The following CD9 variants were observed in gnomAD, a reference collection of about 807,000 sequenced individuals.
CD9 encodes CD9 molecule.
In CD9, 10 loss-of-function variants were observed where a neutral mutation model predicts 31.4. The observed-to-expected ratio is 0.32, with a 90% CI of 0.20 to 0.54. The LOEUF is 0.54. Ranked by LOEUF, CD9 falls within the 20% of genes least tolerant of loss-of-function variation. CD9 has a pLI of 0.94. For synonymous variants in CD9, 113 were observed against 114.1 expected (o/e 0.99, Z 0.06); for missense variants, 259 against 300.1 (o/e 0.86, Z 1.01).
intron 7 of CD9, chr12:6,236,588 C>T (rs1037993816): frequency 4.9e-5 from 22 of 453,084 alleles, no homozygotes; most frequent in Non-Finnish European, 8.1e-5. Context: ...TGTCTCCTCA[C>T]GCACCTGCTG....
At chr12:6,235,885 AGT>A in intron 6 of CD9, 1 of 1,368,562 alleles carries the variant, frequency 7.3e-7, no homozygotes, top group Non-Finnish European at 9.4e-7. Flanking sequence ...TGTAAGCCAG[AGT>A]TAATGTCCAA....
intron 6 of CD9, 128 bp downstream of exon 6, chr12:6,235,693 C>T (rs1946511337): frequency 2.1e-6 from 3 of 1,440,110 alleles, no homozygotes; most frequent in Non-Finnish European, 2.7e-6. Context: ...GGCCCCAGGG[C>T]ACCCATCTCT....
intron 7 of CD9, chr12:6,236,692 G>A (rs1946527817): frequency 2.5e-6 from 1 of 400,422 alleles, no homozygotes; most frequent in East Asian, 3.6e-5. Flanking sequence ...GCCAGAAGGA[G>A]GTCTCTCGCT....
At chr12:6,228,269 C>T (rs1946394896) in intron 2 of CD9, among the ~76,000 whole-genome samples, 1 of 152,126 alleles carries the variant, frequency 6.6e-6, no homozygotes, top group African/African-American at 2.4e-5. Flanking sequence ...GTGATCAGCC[C>T]TGATCTCAGG....
At chr12:6,202,358 C>A (rs1946086988) in intron 1 of CD9, among the ~76,000 whole-genome samples, 1 of 152,198 alleles carries the variant, frequency 6.6e-6, no homozygotes, top group Non-Finnish European at 1.5e-5. Flanking sequence ...TAGCTTCTTT[C>A]TTTCACCAAT....
rs797774 is a variant in CD9, at chr12:6,200,729, G to C, written c.66+164G>C. 8.3e-3 allele frequency: 4,212 copies of C among 505,854 alleles called. 80 individuals are homozygous for C. Among genetic ancestry groups the C allele is most frequent in the East Asian group, 0.051 (1,446 of 28,550 alleles). 31.3% of individuals were successfully genotyped at this position (505,854 alleles called of 1,614,324 possible). A position where few individuals can be genotyped will look rare whatever the true frequency, so the allele number is the denominator to read the frequency against. On this transcript the variant is annotated intron_variant, in intron 1 of 7. Coordinates refer to ENST00000009180, the MANE Select transcript of CD9 (RefSeq NM_001769.4). Reference sequence around the variant, plus strand: ...CGGCTGCCAGCTGGCTCCAAGGCCGGGTCCAGAGCCGGGCGGGACGGCCGC... The same window carrying C: ...CGGCTGCCAGCTGGCTCCAAGGCCGCGTCCAGAGCCGGGCGGGACGGCCGC...
upstream of CD9, chr12:6,200,367 A>G: frequency 1.8e-6 from 1 of 571,256 alleles, no homozygotes; most frequent in African/African-American, 1.9e-5. Context: ...AAGGAGTGGC[A>G]CTTTTTAAAA....
chr12:6,208,844 G>A (rs1946162048), intron 1 of CD9, among the ~76,000 whole-genome samples: 1 of 152,010 alleles, frequency 6.6e-6, no homozygotes, highest in African/African-American at 2.4e-5. Context: ...GATTACAGGT[G>A]TGTAGTTTAA....
intron 1 of CD9, among the ~76,000 whole-genome samples, chr12:6,221,219 A>G (rs1382699238): frequency 2.0e-5 from 3 of 152,188 alleles, no homozygotes; most frequent in Non-Finnish European, 4.4e-5. Flanking sequence ...TTTTGGCCAG[A>G]TAGCAAAGGA....
At chr12:6,202,899 CTACTT>C (rs1450005095) in intron 1 of CD9, among the ~76,000 whole-genome samples, 2 of 152,200 alleles carry the variant, frequency 1.3e-5, no homozygotes, top group Non-Finnish European at 2.9e-5. Flanking sequence ...CCTGGGGCCC[CTACTT>C]TACTTCTGTC....
rs538030267 is a variant in CD9, at chr12:6,207,219, C to T, written c.66+6654C>T. 1.8e-4 allele frequency among the ~76,000 whole-genome samples: 27 copies of T among 152,340 alleles called. No individual in the cohort carries two copies. The South Asian group carries it at 3.1e-3, about 18-fold the overall frequency. On this transcript the variant is annotated intron_variant, in intron 1 of 7. Coordinates refer to ENST00000009180, the MANE Select transcript of CD9 (RefSeq NM_001769.4). ...ATAAATGCCCCATATTGGTTTTTCTCCCTCAGTTTCCAGACAACCCCTGCT... is the reference window on the plus strand; with the variant it reads ...ATAAATGCCCCATATTGGTTTTTCTTCCTCAGTTTCCAGACAACCCCTGCT...
intron 1 of CD9, among the ~76,000 whole-genome samples, chr12:6,220,029 G>T (rs962765215): frequency 6.6e-6 from 1 of 152,230 alleles, no homozygotes; most frequent in Non-Finnish European, 1.5e-5. Flanking sequence ...ACCTCAAGGA[G>T]CTTGTGCTCT....
At chr12:6,213,426 A>G (rs1946212005) in intron 1 of CD9, among the ~76,000 whole-genome samples, 1 of 152,234 alleles carries the variant, frequency 6.6e-6, no homozygotes, top group African/African-American at 2.4e-5. Context: ...GAAGGGAATC[A>G]GTTTTGCACT....
In CD9 at chr12:6,228,643, C is replaced by T. The variant is rs1304701359; in HGVS notation, c.175+3109C>T. ...GCTATGCCCTGAACGTCACTGAACG[C>T]TTTAGGAAATAATAATTGTCGTCCA... On this transcript the variant is annotated intron_variant, in intron 2 of 7. Transcript: ENST00000009180. 3.3e-5 allele frequency among the ~76,000 whole-genome samples: 5 copies of T among 151,976 alleles called. No homozygotes were observed. In the East Asian group the frequency reaches 9.7e-4, roughly 29 times the overall value.
At position 6,201,378 on chromosome 12, in the gene CD9, G is replaced by A. The variant is rs556467590; in HGVS notation, c.66+813G>A. On this transcript the variant is annotated intron_variant, in intron 1 of 7. Transcript: ENST00000009180. ...GGATGAGTCCTGTGTGTGCATTTCCGGGAGAGATCAGGTGCCAGCCAGCTG... is the reference window on the plus strand; with the variant it reads ...GGATGAGTCCTGTGTGTGCATTTCCAGGAGAGATCAGGTGCCAGCCAGCTG... Among the ~76,000 whole-genome samples, 59 of 152,218 alleles carry A rather than the reference G, an allele frequency of 3.9e-4. 1 individual carries two copies. The highest frequency in any genetic ancestry group is 5.1e-4 in the Non-Finnish European group (35 of 68,034).
chr12:6,224,739 A>G (rs1946340367), intron 1 of CD9, among the ~76,000 whole-genome samples: 1 of 152,150 alleles, frequency 6.6e-6, no homozygotes, highest in Non-Finnish European at 1.5e-5. Context: ...GGGACTTGGC[A>G]GGAGGCCTCC....
intron 1 of CD9, among the ~76,000 whole-genome samples, chr12:6,215,312 A>G (rs1946233662): frequency 6.6e-6 from 1 of 152,046 alleles, no homozygotes. Context: ...CCCCAGAGAG[A>G]GCTTTTCTCT....
intron 1 of CD9, among the ~76,000 whole-genome samples, chr12:6,214,300 T>G (rs368198048): frequency 2.0e-5 from 3 of 151,966 alleles, no homozygotes; most frequent in South Asian, 4.2e-4. Context: ...TACTGTGGTG[T>G]TATTTTCCCT....
chr12:6,238,093 A>C lies in CD9; in HGVS notation c.*265A>C. The C allele has an allele frequency of 2.8e-6, 1 of 358,114 alleles. No homozygotes were observed. The highest frequency in any genetic ancestry group is 5.2e-6 in the Non-Finnish European group (1 of 191,164). 22.2% of individuals were successfully genotyped at this position (358,114 alleles called of 1,614,324 possible). ...TTGTTTGTTTTTGCTTGTTATATTA[A>C]GCAGAAATCCTGCAATGAAAGGTAC... On this transcript the variant is annotated 3_prime_UTR_variant, in exon 8 of 8. Coordinates refer to ENST00000009180, the MANE Select transcript of CD9 (RefSeq NM_001769.4).
Sources: gnomAD v4.1 joint callset for allele counts (sites outside exome capture counted in the v4.1 genomes callset) on GRCh38, gnomAD v4.1.1 for gene constraint, MANE v1.5 for transcripts, NCBI Gene and HGNC (gene_info 2026-07-23, HGNC 2026-07-21) for gene names.